PMS1: variants seen among roughly 807,000 people sequenced by gnomAD.
PMS1 encodes PMS1 homolog 1, mismatch repair system component.
In PMS1, 79 loss-of-function variants were observed where a neutral mutation model predicts 93.1. The observed-to-expected ratio is 0.85, with a 90% confidence interval of 0.71 to 1.02. PMS1 has a LOEUF of 1.02. Among genes scored for constraint, PMS1 ranks in the 50% least tolerant of loss-of-function variants. The pLI is 0.00. For missense variants in PMS1, 1,064 were observed against 1,085.3 expected (o/e 0.98, Z 0.28); for synonymous variants, 335 against 363.4 (o/e 0.92, Z 0.89).
chr2:189,786,824 G>T (rs1039046471), intron 1 of PMS1, among the ~76,000 whole-genome samples: 16 of 152,178 alleles, frequency 1.1e-4, no homozygotes, highest in South Asian at 2.1e-4. Flanking sequence ...GGCCGAGGCG[G>T]GCGGATCACC....
At chr2:189,805,972 C>CACTTCCATGGACTAGTT in intron 4 of PMS1, 1 of 1,437,398 alleles carries the variant, frequency 7.0e-7, no homozygotes, top group Admixed American at 2.8e-5. Context: ...AGAGACTGGA[C>CACTTCCATGGACTAGTT]ACTTCCATGG....
At chr2:189,850,835 C>T (rs989808152) in intron 6 of PMS1, among the ~76,000 whole-genome samples, 1 of 152,034 alleles carries the variant, frequency 6.6e-6, no homozygotes, top group East Asian at 1.9e-4. Context: ...GCGTAGTGTC[C>T]CTTTAGTGTC....
At position 189,873,599 on chromosome 2, in the gene PMS1, CA is replaced by C. The variant is rs1294053364; in HGVS notation, c.2578del (p.Arg860GlufsTer14). The C allele has an allele frequency of 1.9e-6, 3 of 1,605,854 alleles. No homozygotes were observed. Among genetic ancestry groups the C allele is most frequent in the Admixed American group, 3.3e-5 (2 of 59,976 alleles). ...AAGAAATTCTTAATGCTATATTAAACAGAAATGCAAAGGAAGTTTATGAATG... is the reference window on the plus strand; with the variant it reads ...AAGAAATTCTTAATGCTATATTAAACGAAATGCAAAGGAAGTTTATGAATG... Reference protein sequence around the residue: ...LKEILNAILNRNAKEVYECRP... With the variant: ...LKEILNAILNXNAKEVYECRP... On this transcript the variant is annotated frameshift_variant, in exon 12 of 13. Coordinates refer to ENST00000441310, the MANE Select transcript of PMS1 (RefSeq NM_000534.5). LOFTEE classifies it high-confidence loss of function.
intron 4 of PMS1, among the ~76,000 whole-genome samples, chr2:189,811,456 G>C (rs1355509002): frequency 6.6e-6 from 1 of 151,938 alleles, no homozygotes; most frequent in East Asian, 1.9e-4. Flanking sequence ...ATTTTTTTGT[G>C]TTTTGGCGCA....
At chr2:189,805,935 A>G in intron 4 of PMS1, 181 bp downstream of exon 4, 2 of 1,510,774 alleles carry the variant, frequency 1.3e-6, no homozygotes, top group Non-Finnish European at 1.8e-6. Context: ...TTAAATATTT[A>G]GAATTGTTCT....
chr2:189,786,703 A>G (rs891116166), intron 1 of PMS1, among the ~76,000 whole-genome samples: 1 of 152,220 alleles, frequency 6.6e-6, no homozygotes, highest in African/African-American at 2.4e-5. Context: ...GATAATATAT[A>G]TAAAATTCTC....
At chr2:189,840,750 T>C (rs1334844607) in intron 5 of PMS1, among the ~76,000 whole-genome samples, 2 of 152,228 alleles carry the variant, frequency 1.3e-5, no homozygotes, top group Non-Finnish European at 2.9e-5. Context: ...AACTATATTC[T>C]CAAAAATATT....
chr2:189,828,887 G>GAA (rs35103661), intron 5 of PMS1, among the ~76,000 whole-genome samples: 4,643 of 117,760 alleles, frequency 0.039, 295 homozygotes, highest in African/African-American at 0.12. Context: ...GTGTGTCTCT[G>GAA]AAAAAAAAAA....
chr2:189,791,544 G>C (rs1013597848), intron 1 of PMS1, among the ~76,000 whole-genome samples: 2 of 151,918 alleles, frequency 1.3e-5, no homozygotes, highest in African/African-American at 2.4e-5. Flanking sequence ...CTGAACCTGG[G>C]AGGCAGAGGT....
intron 9 of PMS1, among the ~76,000 whole-genome samples, chr2:189,856,214 A>T (rs1204086456): frequency 1.3e-5 from 2 of 151,804 alleles, no homozygotes; most frequent in African/African-American, 4.8e-5. Context: ...ATATCCACAA[A>T]AGTAGACATT....
chr2:189,867,807 A>T lies in PMS1; in HGVS notation c.2351A>T (p.Asn784Ile). ...CATAATTTCTTTTTCAGTCTTTTTAATGGATCTCATTATTTAGACGTTTTA... is the reference window on the plus strand; with the variant it reads ...CATAATTTCTTTTTCAGTCTTTTTATTGGATCTCATTATTTAGACGTTTTA... The part of the protein sequence containing the change: ...KPIMLTESLF[N>I]GSHYLDVLYK... Residue 784 changes from asparagine to isoleucine, a missense_variant, in exon 11 of 13, where the codon AAT (asparagine) becomes ATT (isoleucine). Asn to Ile is a moderately radical substitution (Grantham distance 149). Coordinates refer to ENST00000441310, the MANE Select transcript of PMS1 (RefSeq NM_000534.5). The T allele has an allele frequency of 2.5e-6, 4 of 1,572,774 alleles. No homozygotes were observed. Among genetic ancestry groups the T allele is most frequent in the Non-Finnish European group, 8.8e-7 (1 of 1,142,574 alleles).
rs891982234 is a variant in PMS1, at chr2:189,786,161, C to T, written c.-21+1568C>T. Among the ~76,000 whole-genome samples, 32 of 152,120 alleles carry T rather than the reference C, an allele frequency of 2.1e-4. No homozygotes were observed. The East Asian group carries it at 5.8e-3, about 28-fold the overall frequency. On this transcript the variant is annotated intron_variant, in intron 1 of 12. Transcript: ENST00000441310. ...AAAAAGACGAGCTGTGCAGTATGAT[C>T]GCCCTAGAGCACATTTGGGCAACGA...
At chr2:189,832,282 A>C (rs1003666265) in intron 5 of PMS1, among the ~76,000 whole-genome samples, 6 of 152,130 alleles carry the variant, frequency 3.9e-5, no homozygotes, top group African/African-American at 1.4e-4. Flanking sequence ...AAACAATGTA[A>C]TCTATAGGGT....
intron 9 of PMS1, among the ~76,000 whole-genome samples, chr2:189,860,854 C>G (rs2055908561): frequency 1.4e-5 from 1 of 72,560 alleles, no homozygotes; most frequent in Non-Finnish European, 2.5e-5. Context: ...AGGAGGATCT[C>G]TAGTTCTGTC....
Position 189,811,860 on chromosome 2 carries a change from G to A in PMS1, c.418+6106G>A, listed in dbSNP as rs560469562. On this transcript the variant is annotated intron_variant, in intron 4 of 12. Coordinates refer to ENST00000441310, the MANE Select transcript of PMS1 (RefSeq NM_000534.5). ...TTTTAGAGATTCATAAAAGTGTGGCGCTATTTACAGCTTTCATGAAATATT... is the reference window on the plus strand; with the variant it reads ...TTTTAGAGATTCATAAAAGTGTGGCACTATTTACAGCTTTCATGAAATATT... Among the ~76,000 whole-genome samples, 24 of 152,138 alleles carry A rather than the reference G, an allele frequency of 1.6e-4. No individual in the cohort carries two copies. In the East Asian group the frequency reaches 3.1e-3, roughly 20 times the overall value.
chr2:189,842,283 C>A (rs1269226884), intron 5 of PMS1, among the ~76,000 whole-genome samples: 2 of 152,062 alleles, frequency 1.3e-5, no homozygotes, highest in Non-Finnish European at 2.9e-5. Flanking sequence ...CTTTCTGCCT[C>A]TGTGACCACT....
Position 189,855,109 on chromosome 2 carries a change from A to C in PMS1, c.1837A>C (p.Ser613Arg), listed in dbSNP as rs2055172546. 6.2e-7 allele frequency: 1 copy of C among 1,613,172 alleles called. No individual in the cohort carries two copies. Among genetic ancestry groups the C allele is most frequent in the African/African-American group, 1.3e-5 (1 of 74,912 alleles). ...AATTGAAGAACTGTGGAAGACATTG[A>C]GTGAAGAGGAAAAACTGAAGTAAGT... ...LQIEELWKTL[S>R]EEEKLKYEEK... is the part of the protein sequence containing the mutation. The change falls in exon 9 of 13, where the codon AGT becomes CGT. Residue 613 changes from serine (S) to arginine (R), a missense_variant. Physicochemically the swap from Ser to Arg is moderately radical, Grantham distance 110 (BLOSUM62 -1). Coordinates refer to ENST00000441310, the MANE Select transcript of PMS1 (RefSeq NM_000534.5).
chr2:189,815,494 TG>T (rs2051216135), intron 4 of PMS1, among the ~76,000 whole-genome samples: 1 of 152,206 alleles, frequency 6.6e-6, no homozygotes, highest in African/African-American at 2.4e-5. Context: ...CGAGATCCAA[TG>T]GTTTTTATAA....
chr2:189,792,797 T>C (rs932927518), intron 2 of PMS1, among the ~76,000 whole-genome samples: 2 of 149,836 alleles, frequency 1.3e-5, no homozygotes, highest in African/African-American at 4.9e-5. Context: ...ATTTTATTTT[T>C]TATTTATTTA....
Sources: gnomAD v4.1 joint callset for allele counts (sites outside exome capture counted in the v4.1 genomes callset) on GRCh38, gnomAD v4.1.1 for gene constraint, MANE v1.5 for transcripts, NCBI Gene and HGNC (gene_info 2026-07-23, HGNC 2026-07-21) for gene names.